Variants in ULK4 observed in about 807,000 individuals in gnomAD.
The protein encoded by ULK4 is inactive serine/threonine-protein kinase ULK4.
A neutral mutation model predicts 160.6 loss-of-function variants in ULK4; 133 were observed. The observed-to-expected ratio is 0.83, with a 90% confidence interval of 0.72 to 0.96. The LOEUF is 0.96. ULK4 is among the 40% of genes least tolerant of loss of function. ULK4 has a pLI of 0.00. For missense variants in ULK4, 1,580 were observed against 1,499.5 expected, an observed-to-expected ratio of 1.05 and a Z score of -0.89; for synonymous variants, 534 against 539.8, an observed-to-expected ratio of 0.99 and a Z score of 0.15.
intron 31 of ULK4, among the ~76,000 whole-genome samples, chr3:41,610,020 A>T (rs866614752): frequency 7.0e-5 from 10 of 142,034 alleles, no homozygotes; most frequent in East Asian, 4.1e-4. Flanking sequence ...AAATAATTTT[A>T]TTTTTTTTTT....
intron 17 of ULK4, among the ~76,000 whole-genome samples, chr3:41,871,259 G>A (rs1697079528): frequency 6.6e-6 from 1 of 152,116 alleles, no homozygotes; most frequent in African/African-American, 2.4e-5. Flanking sequence ...GCCCTTGAAA[G>A]CCAACCAAGT....
intron 31 of ULK4, among the ~76,000 whole-genome samples, chr3:41,571,895 C>T (rs78525826): frequency 0.034 from 5,189 of 152,258 alleles, 133 homozygotes; most frequent in Non-Finnish European, 0.054. Context: ...CAGGTGAAGA[C>T]CTGCAACAAG....
At chr3:41,578,140 G>C (rs749470997) in intron 31 of ULK4, among the ~76,000 whole-genome samples, 2 of 152,178 alleles carry the variant, frequency 1.3e-5, no homozygotes, top group African/African-American at 2.4e-5. Context: ...TCTCTAAAGA[G>C]GTGATAGTCA....
chr3:41,840,492 T>C (rs4973894), intron 17 of ULK4, among the ~76,000 whole-genome samples: 147,895 of 152,316 alleles, frequency 0.97, 71,818 homozygotes, highest in East Asian at 1. Flanking sequence ...TCTCCTGCCT[T>C]GGCCTGCCGA....
intron 32 of ULK4, among the ~76,000 whole-genome samples, chr3:41,470,859 A>T (rs1179229178): frequency 1.3e-5 from 2 of 152,186 alleles, no homozygotes; most frequent in Non-Finnish European, 2.9e-5. Flanking sequence ...CAAAAACAGG[A>T]AAGATTCAAA....
At chr3:41,557,209 A>G (rs568251162) in intron 32 of ULK4, among the ~76,000 whole-genome samples, 1 of 152,222 alleles carries the variant, frequency 6.6e-6, no homozygotes, top group South Asian at 2.1e-4. Flanking sequence ...TAAAATTAAA[A>G]TAGAAGAGTA....
intron 27 of ULK4, among the ~76,000 whole-genome samples, chr3:41,690,005 G>C (rs1358167166): frequency 6.8e-6 from 1 of 148,136 alleles, no homozygotes; most frequent in South Asian, 2.2e-4. Context: ...TGTTTACTGC[G>C]GCACTATTCA....
At chr3:41,494,527 G>A (rs1351063855) in intron 32 of ULK4, among the ~76,000 whole-genome samples, 1 of 151,204 alleles carries the variant, frequency 6.6e-6, no homozygotes, top group Non-Finnish European at 1.5e-5. Flanking sequence ...CACAAGACAG[G>A]GATGCCCTCT....
chr3:41,661,555 A>G (rs1160171515), intron 30 of ULK4, among the ~76,000 whole-genome samples: 2 of 152,166 alleles, frequency 1.3e-5, no homozygotes, highest in Non-Finnish European at 2.9e-5. Context: ...TAGATAGATA[A>G]TAGACAGACA....
At chr3:41,674,256 A>G (rs2125779446) in intron 29 of ULK4, among the ~76,000 whole-genome samples, 1 of 152,322 alleles carries the variant, frequency 6.6e-6, no homozygotes, top group Admixed American at 6.5e-5. Context: ...AGTCTCAGAA[A>G]AAAATGTCCA....
chr3:41,581,671 T>G (rs949746645), intron 31 of ULK4, among the ~76,000 whole-genome samples: 1 of 152,198 alleles, frequency 6.6e-6, no homozygotes, highest in East Asian at 1.9e-4. Flanking sequence ...GTCCCAAACC[T>G]ACACCCAGAC....
chr3:41,875,097 T>A (rs1697251858), intron 17 of ULK4, among the ~76,000 whole-genome samples: 2 of 152,226 alleles, frequency 1.3e-5, no homozygotes, highest in Admixed American at 1.3e-4. Context: ...GGAGATCAGT[T>A]GAGCCCAGGA....
chr3:41,504,092 T>C (rs1294938833), intron 32 of ULK4, among the ~76,000 whole-genome samples: 2 of 152,172 alleles, frequency 1.3e-5, no homozygotes, highest in East Asian at 3.8e-4. Context: ...CTGGAGTATT[T>C]AGTTGGTCAG....
At chr3:41,440,521 G>T (rs1014482325) in intron 34 of ULK4, among the ~76,000 whole-genome samples, 7 of 152,010 alleles carry the variant, frequency 4.6e-5, no homozygotes, top group African/African-American at 9.7e-5. Flanking sequence ...CTTGGCCATG[G>T]TATATTTATT....
At chr3:41,311,346 C>G (rs1463740605) in intron 35 of ULK4, among the ~76,000 whole-genome samples, 5 of 152,116 alleles carry the variant, frequency 3.3e-5, no homozygotes, top group African/African-American at 1.2e-4. Context: ...TAATCAGCTA[C>G]AAGCACAGCT....
At chr3:41,889,138 T>G (rs1166071489) in intron 16 of ULK4, among the ~76,000 whole-genome samples, 2 of 152,006 alleles carry the variant, frequency 1.3e-5, no homozygotes, top group South Asian at 2.1e-4. Context: ...ACAATGTTTA[T>G]AATCCTAATT....
At position 41,919,678 on chromosome 3, in the gene ULK4, G is replaced by C. The variant is rs200518185; in HGVS notation, c.643+39C>G. The stretch of plus-strand genomic sequence containing the variant: ...AAGTACAGACTTAACCTGGTTTTTA[G>C]TCCAGCTCTGATTTTATACCTATTC... On this transcript the variant is annotated intron_variant, in intron 6 of 36. Transcript: ENST00000301831. The C allele has an allele frequency of 2.1e-5, 32 of 1,541,054 alleles. No individual in the cohort carries two copies. The East Asian group carries it at 7.2e-4, about 35-fold the overall frequency.
intron 29 of ULK4, among the ~76,000 whole-genome samples, chr3:41,665,620 G>A (rs539802006): frequency 5.9e-5 from 9 of 152,002 alleles, no homozygotes; most frequent in Admixed American, 2.6e-4. Context: ...ATAATCAAGC[G>A]TAATTTCAAG....
chr3:41,290,634 T>C (rs2079541927), intron 35 of ULK4, among the ~76,000 whole-genome samples: 2 of 152,290 alleles, frequency 1.3e-5, no homozygotes, highest in East Asian at 3.9e-4. Flanking sequence ...TGAACTGTAT[T>C]GCGGGGGCAC....
Sources: gnomAD v4.1 joint callset for allele counts (sites outside exome capture counted in the v4.1 genomes callset) on GRCh38, gnomAD v4.1.1 for gene constraint, MANE v1.5 for transcripts, NCBI Gene and HGNC (gene_info 2026-07-23, HGNC 2026-07-21) for gene names.